Variants in P2RY12 observed in about 807,000 individuals in gnomAD.
The protein encoded by P2RY12 is P2Y purinoceptor 12.
P2RY12 carries 3 observed loss-of-function variants against 4.5 expected under a neutral mutation model. That is an observed-to-expected ratio of 0.67 (90% confidence interval 0.31 to 1.74). The LOEUF (loss-of-function observed/expected upper bound fraction) is 1.74, where lower values mean the gene tolerates loss of function less well. Ranked by LOEUF, P2RY12 falls within the 40% of genes most tolerant of loss-of-function variation. P2RY12 has a pLI of 0.09. For synonymous variants in P2RY12, 148 were observed against 154.1 expected (o/e 0.96, Z 0.29); for missense variants, 356 against 407.8 (o/e 0.87, Z 1.09).
intron 1 of P2RY12, among the ~76,000 whole-genome samples, chr3:151,370,839 A>G (rs1417187648): frequency 6.6e-6 from 1 of 152,226 alleles, no homozygotes; most frequent in Non-Finnish European, 1.5e-5. Flanking sequence ...GCAGAAACCA[A>G]GATGAGTACC....
intron 1 of P2RY12, among the ~76,000 whole-genome samples, chr3:151,367,230 C>T (rs1388620): frequency 2.0e-5 from 3 of 152,144 alleles, no homozygotes; most frequent in Non-Finnish European, 2.9e-5. Context: ...ACTCCAAAAC[C>T]TTAGTGAGGC....
chr3:151,375,665 T>G (rs1257931709), intron 1 of P2RY12, among the ~76,000 whole-genome samples: 2 of 152,146 alleles, frequency 1.3e-5, no homozygotes, highest in African/African-American at 4.8e-5. Context: ...TCCATAAAAA[T>G]TATGAAGAAC....
chr3:151,368,327 C>T (rs944004522), intron 1 of P2RY12: 45 of 1,284,034 alleles, frequency 3.5e-5, no homozygotes, highest in Non-Finnish European at 4.8e-5. Context: ...ATAGGCTGTC[C>T]CTTTCTGTAA....
chr3:151,369,677 A>G, intron 1 of P2RY12: 1 of 590,692 alleles, frequency 1.7e-6, no homozygotes, highest in Non-Finnish European at 2.8e-6. Flanking sequence ...ATTCTCCTGG[A>G]AAAATTAGTG....
At chr3:151,383,943 T>G in intron 1 of P2RY12, 1 of 1,527,930 alleles carries the variant, frequency 6.5e-7, no homozygotes, top group Non-Finnish European at 9.0e-7. Context: ...GGTATAAGCT[T>G]TGATATACTG....
chr3:151,341,523 T>C (rs1477908683), intron 1 of P2RY12, among the ~76,000 whole-genome samples: 5 of 151,954 alleles, frequency 3.3e-5, no homozygotes, highest in African/African-American at 7.3e-5. Context: ...GCAAAAAATA[T>C]GTTAGGGGTG....
intron 1 of P2RY12, among the ~76,000 whole-genome samples, chr3:151,342,228 C>T (rs765550037): frequency 1.5e-4 from 23 of 152,184 alleles, no homozygotes; most frequent in Non-Finnish European, 2.9e-4. Context: ...TCCACATCCT[C>T]TCCAACACCT....
intron 1 of P2RY12, chr3:151,360,371 T>C (rs974034298): frequency 5.1e-5 from 55 of 1,077,100 alleles, no homozygotes; most frequent in Non-Finnish European, 6.8e-6. Flanking sequence ...TCCAATATCC[T>C]TTTTCTTACC....
At chr3:151,380,336 C>T (rs1371806976) in intron 1 of P2RY12, 3 of 685,002 alleles carry the variant, frequency 4.4e-6, no homozygotes, top group East Asian at 7.0e-5. Context: ...GTGGCTCATG[C>T]CTGTAATCCC....
At chr3:151,359,887 G>T (rs935727605) in intron 1 of P2RY12, among the ~76,000 whole-genome samples, 5 of 152,144 alleles carry the variant, frequency 3.3e-5, no homozygotes, top group Admixed American at 3.3e-4. Context: ...ATAACTACAG[G>T]AGTTATACAG....
intron 1 of P2RY12, among the ~76,000 whole-genome samples, chr3:151,377,415 T>C (rs1423078805): frequency 6.6e-6 from 1 of 152,236 alleles, no homozygotes; most frequent in Non-Finnish European, 1.5e-5. Context: ...GTTTGGTTCA[T>C]GCTTTCAGTG....
At chr3:151,373,840 A>G (rs1756490947) in intron 1 of P2RY12, among the ~76,000 whole-genome samples, 1 of 152,106 alleles carries the variant, frequency 6.6e-6, no homozygotes, top group South Asian at 2.1e-4. Flanking sequence ...CTATTCCTCC[A>G]AGGAGCCCTT....
intron 1 of P2RY12, among the ~76,000 whole-genome samples, chr3:151,358,966 T>C (rs1207679512): frequency 6.6e-6 from 1 of 152,176 alleles, no homozygotes; most frequent in Non-Finnish European, 1.5e-5. Context: ...ACAGATTTAT[T>C]ACAGGTTTAT....
chr3:151,368,145 C>T (rs748450749), intron 1 of P2RY12: 1 of 1,613,144 alleles, frequency 6.2e-7, no homozygotes, highest in Non-Finnish European at 8.5e-7. Context: ...ATCCCCCTTT[C>T]CTAGCTTGTG....
chr3:151,358,118 TTAATCTAGCACATG>T (rs1754156845), intron 1 of P2RY12, among the ~76,000 whole-genome samples: 1 of 152,202 alleles, frequency 6.6e-6, no homozygotes, highest in Non-Finnish European at 1.5e-5. Context: ...TTTTATTTTT[TTAATCTAGCACATG>T]TAATCAATTT....
intron 1 of P2RY12, among the ~76,000 whole-genome samples, chr3:151,372,379 G>A (rs1421597548): frequency 6.6e-6 from 1 of 152,104 alleles, no homozygotes; most frequent in Admixed American, 6.6e-5. Flanking sequence ...CTCCATTTCT[G>A]TTAGAAACTT....
chr3:151,381,193 G>A (rs1397711948), intron 1 of P2RY12, among the ~76,000 whole-genome samples: 2 of 152,068 alleles, frequency 1.3e-5, no homozygotes, highest in Non-Finnish European at 2.9e-5. Context: ...CCCTTCTTGT[G>A]GCACTGTGTT....
At chr3:151,342,022 G>A (rs1751914687) in intron 1 of P2RY12, among the ~76,000 whole-genome samples, 1 of 152,092 alleles carries the variant, frequency 6.6e-6, no homozygotes, top group South Asian at 2.1e-4. Flanking sequence ...ATTATGAATA[G>A]TGCCGCAATA....
At chr3:151,368,041 G>A (rs1453533287) in intron 1 of P2RY12, 2 of 984,016 alleles carry the variant, frequency 2.0e-6, no homozygotes, top group Non-Finnish European at 3.0e-6. Flanking sequence ...CTTACCATAA[G>A]GAAAATTTAT....
Sources: gnomAD v4.1 joint callset for allele counts (sites outside exome capture counted in the v4.1 genomes callset) on GRCh38, gnomAD v4.1.1 for gene constraint, MANE v1.5 for transcripts, NCBI Gene and HGNC (gene_info 2026-07-23, HGNC 2026-07-21) for gene names.